CHCHD3: variants seen among roughly 807,000 people sequenced by gnomAD.
CHCHD3 encodes coiled-coil-helix-coiled-coil-helix domain containing 3, also known as MICOS complex subunit MIC19.
In CHCHD3, 20 loss-of-function variants were observed where a neutral mutation model predicts 38.2. That is an observed-to-expected ratio of 0.52 (90% CI 0.37 to 0.76). The LOEUF (loss-of-function observed/expected upper bound fraction) is 0.76. CHCHD3 is among the 30% of genes least tolerant of loss of function. The probability of loss-of-function intolerance (pLI) is 0.00; values close to 1 mark genes in which losing one functional copy is unlikely to be tolerated. For synonymous variants in CHCHD3, 82 were observed against 100.0 expected (o/e 0.82, Z 1.07); for missense variants, 245 against 279.2 (o/e 0.88, Z 0.87).
chr7:132,874,834 G>T (rs1310213050), intron 5 of CHCHD3, among the ~76,000 whole-genome samples: 1 of 152,132 alleles, frequency 6.6e-6, no homozygotes, highest in Non-Finnish European at 1.5e-5. Flanking sequence ...AAAGGGTGAG[G>T]ATTAGGAAGA....
chr7:133,040,346 G>A (rs1026317179), intron 2 of CHCHD3, among the ~76,000 whole-genome samples: 1 of 152,120 alleles, frequency 6.6e-6, no homozygotes, highest in Non-Finnish European at 1.5e-5. Context: ...TGGAGGAATT[G>A]TAGTTTCAGA....
intron 2 of CHCHD3, among the ~76,000 whole-genome samples, chr7:133,056,156 A>C (rs957975444): frequency 2.0e-5 from 3 of 152,106 alleles, no homozygotes; most frequent in Non-Finnish European, 4.4e-5. Flanking sequence ...CAAAAAAAAA[A>C]AAATGTAGGG....
At chr7:132,948,582 G>A (rs994627866) in intron 4 of CHCHD3, among the ~76,000 whole-genome samples, 2 of 151,998 alleles carry the variant, frequency 1.3e-5, no homozygotes, top group Non-Finnish European at 2.9e-5. Context: ...TACCAACAAC[G>A]ATACCCAAAC....
At chr7:132,907,272 A>T (rs1244790196) in intron 4 of CHCHD3, among the ~76,000 whole-genome samples, 1 of 152,218 alleles carries the variant, frequency 6.6e-6, no homozygotes, top group Admixed American at 6.5e-5. Flanking sequence ...AGAGCTATAA[A>T]ACTACCAAGA....
chr7:132,913,597 C>T (rs975387730), intron 4 of CHCHD3, among the ~76,000 whole-genome samples: 3 of 152,192 alleles, frequency 2.0e-5, no homozygotes, highest in African/African-American at 4.8e-5. Context: ...AAAAATCTCA[C>T]CAAATATCCA....
At chr7:132,887,553 GGA>G (rs1173188096) in intron 4 of CHCHD3, among the ~76,000 whole-genome samples, 1 of 151,028 alleles carries the variant, frequency 6.6e-6, no homozygotes, top group African/African-American at 2.4e-5. Context: ...CATGTAACTG[GGA>G]GAGTTAATGT....
At chr7:133,049,301 T>C (rs868539494) in intron 2 of CHCHD3, among the ~76,000 whole-genome samples, 5 of 152,338 alleles carry the variant, frequency 3.3e-5, no homozygotes, top group African/African-American at 1.2e-4. Context: ...ATAAATACTA[T>C]AATGTACAGA....
chr7:132,893,447 G>A (rs539098953), intron 4 of CHCHD3, among the ~76,000 whole-genome samples: 38 of 152,290 alleles, frequency 2.5e-4, no homozygotes, highest in Admixed American at 1.7e-3. Flanking sequence ...GACTTTCCTT[G>A]TCTCAAATGA....
intron 7 of CHCHD3, among the ~76,000 whole-genome samples, chr7:132,790,771 C>T (rs775113567): frequency 1.3e-5 from 2 of 152,010 alleles, no homozygotes; most frequent in Non-Finnish European, 2.9e-5. Context: ...TGATGTGGGT[C>T]GGGGAGAGAA....
intron 4 of CHCHD3, among the ~76,000 whole-genome samples, chr7:132,945,954 T>G (rs1810889725): frequency 6.6e-6 from 1 of 151,912 alleles, no homozygotes; most frequent in Non-Finnish European, 1.5e-5. Context: ...AAAGTTCAGA[T>G]AAACATTTTT....
intron 1 of CHCHD3, among the ~76,000 whole-genome samples, chr7:133,076,779 AAAAG>A (rs1391963176): frequency 6.6e-6 from 1 of 152,242 alleles, no homozygotes; most frequent in Non-Finnish European, 1.5e-5. Context: ...ACAGAGTAAA[AAAAG>A]AGGAATTCTT....
intron 4 of CHCHD3, among the ~76,000 whole-genome samples, chr7:132,960,104 T>C (rs1186444948): frequency 1.3e-5 from 2 of 152,160 alleles, no homozygotes; most frequent in Non-Finnish European, 2.9e-5. Context: ...AACTAAAAGA[T>C]TTCTGTCAGG....
Position 132,815,638 on chromosome 7 carries a change from G to A in CHCHD3, c.525-19061C>T, listed in dbSNP as rs1365354001. ...TTTCATTTCACCAAACCTGCTGGTA[G>A]GAAAAAAAGTGAAAAGAGAACAGAG... On this transcript the variant is annotated intron_variant, in intron 6 of 7. Coordinates refer to ENST00000262570, the MANE Select transcript of CHCHD3 (RefSeq NM_017812.4). 1.3e-5 allele frequency: 6 copies of A among 451,546 alleles called. No individual in the cohort carries two copies. In the East Asian group the frequency reaches 3.5e-4, roughly 26 times the overall value. 28.0% of individuals were successfully genotyped at this position (451,546 alleles called of 1,614,324 possible). A position where few individuals can be genotyped will look rare whatever the true frequency, so the allele number is the denominator to read the frequency against.
intron 4 of CHCHD3, among the ~76,000 whole-genome samples, chr7:132,920,211 A>G (rs1810226721): frequency 6.6e-6 from 1 of 152,206 alleles, no homozygotes; most frequent in Admixed American, 6.5e-5. Context: ...TATCGGAACA[A>G]AACCCATCCA....
intron 2 of CHCHD3, chr7:133,034,878 C>A (rs1438251587): frequency 6.2e-7 from 1 of 1,610,080 alleles, no homozygotes; most frequent in Non-Finnish European, 8.5e-7. Flanking sequence ...CTTGTCCAGT[C>A]GCTGGAACAT....
intron 5 of CHCHD3, among the ~76,000 whole-genome samples, chr7:132,842,782 G>A (rs936886147): frequency 2.1e-4 from 32 of 152,228 alleles, no homozygotes; most frequent in African/African-American, 7.5e-4. Context: ...TGATTTCAGG[G>A]GCTACCTTAT....
chr7:132,972,477 T>C, intron 4 of CHCHD3: 1 of 649,322 alleles, frequency 1.5e-6, no homozygotes, highest in Non-Finnish European at 1.9e-6. Flanking sequence ...TGAATTGTAG[T>C]ACATTGAGTG....
chr7:132,958,948 A>G (rs1222090066), intron 4 of CHCHD3, among the ~76,000 whole-genome samples: 1 of 152,190 alleles, frequency 6.6e-6, no homozygotes, highest in Non-Finnish European at 1.5e-5. Flanking sequence ...TCATCCAAAT[A>G]TTAACCAGCA....
intron 4 of CHCHD3, among the ~76,000 whole-genome samples, chr7:132,932,952 G>A (rs1286871156): frequency 6.6e-6 from 1 of 152,110 alleles, no homozygotes. Context: ...GATCTTGTCT[G>A]TTTTGTGTCA....
Sources: allele counts gnomAD v4.1 joint callset (sites outside exome capture counted in the v4.1 genomes callset), GRCh38; gene constraint gnomAD v4.1.1; transcripts MANE v1.5; gene names NCBI Gene and HGNC (gene_info 2026-07-23, HGNC 2026-07-21).